Variants in LTN1 observed in about 807,000 individuals in gnomAD.
The protein encoded by LTN1 is E3 ubiquitin-protein ligase listerin.
LTN1 carries 88 observed loss-of-function variants against 201.2 expected under a neutral mutation model. The observed-to-expected ratio is 0.44, with a 90% CI of 0.37 to 0.52. The LOEUF is 0.52. Ranked by LOEUF, LTN1 falls within the 20% of genes least tolerant of loss-of-function variation. The probability of loss-of-function intolerance (pLI) is 0.00; values close to 1 mark genes in which losing one functional copy is unlikely to be tolerated. For synonymous variants in LTN1, 645 were observed against 713.5 expected (o/e 0.90, Z 1.53); for missense variants, 1,752 against 2,038.7 (o/e 0.86, Z 2.71).
At chr21:28,988,408 A>C (rs2084717784) in intron 1 of LTN1, among the ~76,000 whole-genome samples, 1 of 151,500 alleles carries the variant, frequency 6.6e-6, no homozygotes, top group Non-Finnish European at 1.5e-5. Flanking sequence ...CTGAGGTTGC[A>C]GTGAGTCAAG....
Position 28,986,495 on chromosome 21 carries a change from GA to G in LTN1, c.246+235del, listed in dbSNP as rs1170636279. ...AGGTCAAAGTTACATTCCCTAATGGGAAAAACTATACAGCCAAAATTCCAAA... is the reference window on the plus strand; with the variant it reads ...AGGTCAAAGTTACATTCCCTAATGGGAAAACTATACAGCCAAAATTCCAAA... On this transcript the variant is annotated intron_variant, in intron 2 of 29. Transcript: ENST00000361371. The surrounding 1 kb of genome is among the most constrained non-coding windows in gnomAD (Gnocchi z 4.1). The G allele has an allele frequency of 6.1e-6, 4 of 660,314 alleles. No homozygotes were observed. The highest frequency in any genetic ancestry group is 1.1e-5 in the Non-Finnish European group (4 of 373,934). The allele number at this position is 660,314 out of a possible 1,614,324, so 40.9% of individuals were successfully genotyped here.
chr21:28,961,137 G>A (rs920064531), intron 11 of LTN1, among the ~76,000 whole-genome samples: 2 of 152,128 alleles, frequency 1.3e-5, no homozygotes, highest in Admixed American at 6.5e-5. Context: ...CAATGAGATT[G>A]TAAGTTCCTT....
chr21:28,992,732 C>A, intron 1 of LTN1, 32 bp downstream of exon 1: 1 of 1,613,114 alleles, frequency 6.2e-7, no homozygotes, highest in Non-Finnish European at 8.5e-7. Flanking sequence ...CGAAGCGAGG[C>A]TCCCGGGTCG....
At chr21:28,972,019 T>G (rs1458682779) in intron 6 of LTN1, among the ~76,000 whole-genome samples, 2 of 152,200 alleles carry the variant, frequency 1.3e-5, no homozygotes, top group East Asian at 3.8e-4. Flanking sequence ...AAAATTAGTA[T>G]GTTGAAACTT....
chr21:28,987,207 A>T (rs1035527335), intron 1 of LTN1, among the ~76,000 whole-genome samples: 1 of 152,192 alleles, frequency 6.6e-6, no homozygotes, highest in African/African-American at 2.4e-5. Flanking sequence ...CATGATATCA[A>T]TATAATGGAC....
chr21:28,965,335 G>A (rs993232888), intron 11 of LTN1, among the ~76,000 whole-genome samples: 1 of 152,118 alleles, frequency 6.6e-6, no homozygotes, highest in Non-Finnish European at 1.5e-5. Context: ...TACTTAAGCC[G>A]TTTTGAAAAT....
At chr21:28,976,153 G>A (rs1204135223) in intron 6 of LTN1, among the ~76,000 whole-genome samples, 3 of 151,966 alleles carry the variant, frequency 2.0e-5, no homozygotes, top group Non-Finnish European at 4.4e-5. Context: ...TTATTGTAGT[G>A]GTTATATAAG....
chr21:28,937,055 C>T (rs1006985312), intron 25 of LTN1, among the ~76,000 whole-genome samples: 5 of 152,162 alleles, frequency 3.3e-5, no homozygotes, highest in South Asian at 4.1e-4. Flanking sequence ...TCAAAAACTC[C>T]GACATCCCTT....
intron 16 of LTN1, among the ~76,000 whole-genome samples, chr21:28,955,283 T>C (rs1208557120): frequency 2.0e-5 from 3 of 151,774 alleles, no homozygotes; most frequent in Non-Finnish European, 2.9e-5. Flanking sequence ...CTGGGCAACA[T>C]AGTAACACCC....
At chr21:28,931,977 TG>T (rs1330909295) in intron 28 of LTN1, among the ~76,000 whole-genome samples, 1 of 152,084 alleles carries the variant, frequency 6.6e-6, no homozygotes, top group African/African-American at 2.4e-5. Context: ...CACTTCAGCC[TG>T]GGCAACAAGA....
Position 28,986,397 on chromosome 21 carries a change from ACG to A in LTN1, c.247-162_247-161del, listed in dbSNP as rs1193501431. The A allele has an allele frequency of 1.5e-6, 1 of 685,738 alleles. No individual in the cohort carries two copies. Among genetic ancestry groups the A allele is most frequent in the Non-Finnish European group, 2.6e-6 (1 of 382,214 alleles). 42.5% of individuals were successfully genotyped at this position (685,738 alleles called of 1,614,324 possible). A position where few individuals can be genotyped will look rare whatever the true frequency, so the allele number is the denominator to read the frequency against. ...TTGAAGAGCTCTTTCACAGGCTACT[ACG>A]GTAGAAACTCTTCAGTTGTTTTTTT... On this transcript the variant is annotated intron_variant, in intron 2 of 29. Transcript: ENST00000361371. This position sits in a 1 kb window ranked among gnomAD's most constrained non-coding sequence, Gnocchi z 4.1.
intron 6 of LTN1, among the ~76,000 whole-genome samples, chr21:28,979,330 A>ACATG (rs1434207629): frequency 6.6e-6 from 1 of 152,234 alleles, no homozygotes; most frequent in Non-Finnish European, 1.5e-5. Flanking sequence ...ATCCAAGGAC[A>ACATG]CATGAATGAA....
At chr21:28,979,743 G>A (rs954971398) in intron 6 of LTN1, among the ~76,000 whole-genome samples, 2 of 152,160 alleles carry the variant, frequency 1.3e-5, no homozygotes, top group East Asian at 1.9e-4. Flanking sequence ...GCCGAGGTGG[G>A]TGGATCATCT....
rs771725227 is a variant in LTN1, at chr21:28,945,851, T to C, written c.3724A>G (p.Ser1242Gly). ...GAGCACATGATGAAGTCCCACTCAC[T>C]CTCTGCCAAAGGGGATGAGCAGTAT... ...LKYCSSPLAESEWDFIMCSML... is the reference protein window; with the variant it reads ...LKYCSSPLAEGEWDFIMCSML... The change falls in exon 21 of 30, where the codon AGT becomes GGT. Residue 1242 changes from serine (S) to glycine (G), a missense_variant. By Grantham distance (56) the Ser-to-Gly change is moderately conservative. Coordinates refer to ENST00000361371, the MANE Select transcript of LTN1 (RefSeq NM_015565.3). 1.3e-5 allele frequency: 21 copies of C among 1,613,698 alleles called. No individual in the cohort carries two copies. The Admixed American group carries it at 3.3e-4, about 26-fold the overall frequency.
chr21:28,972,917 T>C (rs1034164459), intron 6 of LTN1, among the ~76,000 whole-genome samples: 1 of 152,164 alleles, frequency 6.6e-6, no homozygotes, highest in Admixed American at 6.6e-5. Context: ...AAAGATAAAC[T>C]ACCTTCAAAA....
At chr21:28,948,415 A>G (rs1409277050) in intron 18 of LTN1, among the ~76,000 whole-genome samples, 1 of 150,782 alleles carries the variant, frequency 6.6e-6, no homozygotes, top group Non-Finnish European at 1.5e-5. Context: ...GATTACAGGC[A>G]TGCACCACCA....
At chr21:28,940,232 T>G (rs890927770) in intron 25 of LTN1, among the ~76,000 whole-genome samples, 3 of 152,190 alleles carry the variant, frequency 2.0e-5, no homozygotes, top group Non-Finnish European at 4.4e-5. Flanking sequence ...CAGGCTTGAG[T>G]GCAGTGGCAT....
At chr21:28,963,475 T>A (rs891559761) in intron 11 of LTN1, among the ~76,000 whole-genome samples, 12 of 152,302 alleles carry the variant, frequency 7.9e-5, no homozygotes, top group African/African-American at 2.9e-4. Flanking sequence ...TTAAGCCCAC[T>A]GTTGGAAAAA....
chr21:28,967,976 A>G (rs929862333), intron 9 of LTN1: 1 of 152,202 alleles, frequency 6.6e-6, no homozygotes, highest in Non-Finnish European at 1.5e-5. Flanking sequence ...GTTGATTACT[A>G]TGATGTGAGA....
Sources: allele counts gnomAD v4.1 joint callset (sites outside exome capture counted in the v4.1 genomes callset), GRCh38; gene constraint gnomAD v4.1.1; non-coding constraint Gnocchi (gnomAD v3.1); transcripts MANE v1.5; gene names NCBI Gene and HGNC (gene_info 2026-07-23, HGNC 2026-07-21).